BDNF: variants seen among roughly 807,000 people sequenced by gnomAD.
BDNF encodes the protein neurotrophic factor BDNF precursor form.
In BDNF, 1 loss-of-function variant was observed where a neutral mutation model predicts 19.5. The observed-to-expected ratio is 0.05, with a 90% CI of 0.02 to 0.24. The LOEUF is 0.24. Ranked by LOEUF, BDNF falls within the 10% of genes least tolerant of loss-of-function variation. The pLI is 1.00. For missense variants in BDNF, 195 were observed against 317.6 expected (o/e 0.61, Z 2.93); for synonymous variants, 100 against 121.6 (o/e 0.82, Z 1.17).
intron 1 of BDNF, among the ~76,000 whole-genome samples, chr11:27,712,360 A>G (rs370895531): frequency 1.3e-5 from 2 of 152,332 alleles, no homozygotes; most frequent in East Asian, 3.9e-4. Context: ...CATTATTTCA[A>G]AATTATAATA....
In BDNF at chr11:27,657,229, AAAAAC is replaced by A. The variant is rs963357399; in HGVS notation, c.*587_*591del. ...CCATCTCTACTCCCTGTGGGAACTAAAAAACAAAACAAACAAACGAAAAAAAAACA... is the reference window on the plus strand; with the variant it reads ...CCATCTCTACTCCCTGTGGGAACTAAAAAACAAACAAACGAAAAAAAAACA... On this transcript the variant is annotated 3_prime_UTR_variant, in exon 2 of 2. Transcript: ENST00000356660. This position sits in a 1 kb window ranked among gnomAD's most constrained non-coding sequence, Gnocchi z 5.0. 4.1e-6 allele frequency: 4 copies of A among 986,838 alleles called. No homozygotes were observed. The highest frequency in any genetic ancestry group is 4.8e-6 in the Non-Finnish European group (4 of 830,310). The allele number at this position is 986,838 out of a possible 1,614,324, so 61.1% of individuals were successfully genotyped here. A position where few individuals can be genotyped will look rare whatever the true frequency, so the allele number is the denominator to read the frequency against.
chr11:27,688,270 G>A (rs1468061792), intron 1 of BDNF, among the ~76,000 whole-genome samples: 1 of 152,202 alleles, frequency 6.6e-6, no homozygotes, highest in East Asian at 1.9e-4. Context: ...GACCAAGCTG[G>A]AGCATCCCAG....
intron 1 of BDNF, among the ~76,000 whole-genome samples, chr11:27,716,979 G>A (rs1860538006): frequency 6.6e-6 from 1 of 152,098 alleles, no homozygotes; most frequent in East Asian, 1.9e-4. Context: ...CTATTTTGTG[G>A]TCATCCAGTC....
At chr11:27,719,725 T>A (rs1423038024) in intron 1 of BDNF, 1 of 308,642 alleles carries the variant, frequency 3.2e-6, no homozygotes, top group South Asian at 1.5e-4. Context: ...GGATGGAGGC[T>A]GGAGGAGGGG....
intron 1 of BDNF, among the ~76,000 whole-genome samples, chr11:27,666,174 C>T (rs1187678182): frequency 6.6e-6 from 1 of 152,206 alleles, no homozygotes; most frequent in African/African-American, 2.4e-5. Context: ...AGTGGACCTC[C>T]AGCAAACTCC....
In BDNF at chr11:27,689,512, G is replaced by C. The variant is rs144429560; in HGVS notation, c.-22+10652C>G. On this transcript the variant is annotated intron_variant, in intron 1 of 1. Coordinates refer to ENST00000356660, the MANE Select transcript of BDNF (RefSeq NM_001709.5). ...TGACAAGTGAAATCACGTAGGAATC[G>C]TAGTAACAACAAACCAGCTGAATTT... Among the ~76,000 whole-genome samples the C allele has an allele frequency of 5.0e-3, 760 of 152,240 alleles. 6 individuals are homozygous for C. The highest frequency in any genetic ancestry group is 0.017 in the African/African-American group (720 of 41,528).
intron 1 of BDNF, among the ~76,000 whole-genome samples, chr11:27,706,539 C>A (rs1860116925): frequency 6.6e-6 from 1 of 152,178 alleles, no homozygotes; most frequent in South Asian, 2.1e-4. Flanking sequence ...ATTAAGTCAC[C>A]ACTCAGACTT....
chr11:27,699,429 G>C, intron 1 of BDNF: 2 of 1,614,036 alleles, frequency 1.2e-6, no homozygotes. Flanking sequence ...CCCGAGTCAA[G>C]AATCCCCCAC....
chr11:27,669,257 CAAAAT>C (rs1854914313), intron 1 of BDNF, among the ~76,000 whole-genome samples: 1 of 152,288 alleles, frequency 6.6e-6, no homozygotes, highest in African/African-American at 2.4e-5. Context: ...GGACATATCT[CAAAAT>C]AATAAGAGCT....
chr11:27,690,301 G>A (rs1858075020), intron 1 of BDNF, among the ~76,000 whole-genome samples: 1 of 152,180 alleles, frequency 6.6e-6, no homozygotes, highest in East Asian at 1.9e-4. Flanking sequence ...GAAATGGGCA[G>A]CAGGATGGTC....
intron 1 of BDNF, among the ~76,000 whole-genome samples, chr11:27,685,291 T>C (rs1367674294): frequency 1.3e-5 from 2 of 152,206 alleles, no homozygotes; most frequent in East Asian, 3.8e-4. Context: ...CTCTCTTTTC[T>C]TCTTTATCAA....
chr11:27,706,566 T>C (rs1295161435), intron 1 of BDNF, among the ~76,000 whole-genome samples: 1 of 152,220 alleles, frequency 6.6e-6, no homozygotes. Context: ...TAGCAAAAGA[T>C]CAGATCTCAC....
At position 27,713,256 on chromosome 11, in the gene BDNF, C is replaced by T. The variant is rs138605966; in HGVS notation, c.3+8156G>A. On this transcript the variant is annotated intron_variant, in intron 1 of 1. Coordinates refer to the BDNF transcript ENST00000314915. Reference sequence around the variant, plus strand: ...TTATTGGCAAGTAAGAAGTCCTTAGCGGAGGAGGAAGGTGAAAGCAGAAGA... The same window carrying T: ...TTATTGGCAAGTAAGAAGTCCTTAGTGGAGGAGGAAGGTGAAAGCAGAAGA... Among the ~76,000 whole-genome samples the T allele has an allele frequency of 5.3e-4, 81 of 152,186 alleles. No individual in the cohort carries two copies. In the East Asian group the frequency reaches 5.6e-3, roughly 11 times the overall value.
chr11:27,663,996 G>A (rs1376373629), intron 1 of BDNF, among the ~76,000 whole-genome samples: 1 of 151,866 alleles, frequency 6.6e-6, no homozygotes, highest in East Asian at 1.9e-4. Flanking sequence ...GCCAAAGGTG[G>A]GAAAACAAGC....
intron 1 of BDNF, chr11:27,719,714 G>A: frequency 1.1e-6 from 1 of 875,812 alleles, no homozygotes; most frequent in African/African-American, 1.8e-5. Context: ...GAATGAGGGA[G>A]GGATGGAGGC....
rs1852469537 is a variant in BDNF, at chr11:27,655,704, C to A, written c.*2117G>T. 1 of 151,984 alleles carries A rather than the reference C, an allele frequency of 6.6e-6. No individual in the cohort carries two copies. Among genetic ancestry groups the A allele is most frequent in the African/African-American group, 2.4e-5 (1 of 41,356 alleles). 9.4% of individuals were successfully genotyped at this position (151,984 alleles called of 1,614,324 possible). A position where few individuals can be genotyped will look rare whatever the true frequency, so the allele number is the denominator to read the frequency against. On this transcript the variant is annotated 3_prime_UTR_variant, in exon 2 of 2. Transcript: ENST00000356660. ...TTCATTCCTGGGTTATGGTGAACAT[C>A]CTCTTTTGCTTATCCCTCACCCTAC... is the stretch of plus-strand genomic sequence containing the variant.
chr11:27,656,831 C>T lies in BDNF; in HGVS notation c.*990G>A. Reference sequence around the variant, plus strand: ...TGTTCTAAAAAAAAATCACTGTTCTCCATGCTTATACGAGTGTCATGATGT... The same window carrying T: ...TGTTCTAAAAAAAAATCACTGTTCTTCATGCTTATACGAGTGTCATGATGT... On this transcript the variant is annotated 3_prime_UTR_variant, in exon 2 of 2. Transcript: ENST00000356660. 4.1e-6 allele frequency: 4 copies of T among 985,300 alleles called. No homozygotes were observed. The highest frequency in any genetic ancestry group is 4.8e-6 in the Non-Finnish European group (4 of 829,918). 61.0% of individuals were successfully genotyped at this position (985,300 alleles called of 1,614,324 possible). A position where few individuals can be genotyped will look rare whatever the true frequency, so the allele number is the denominator to read the frequency against.
chr11:27,683,642 A>G (rs937449593), intron 1 of BDNF, among the ~76,000 whole-genome samples: 3 of 152,046 alleles, frequency 2.0e-5, no homozygotes, highest in Admixed American at 6.6e-5. Context: ...AGTTTTCCCG[A>G]CACCATTTAT....
intron 1 of BDNF, among the ~76,000 whole-genome samples, chr11:27,668,582 A>G (rs1854780290): frequency 6.6e-6 from 1 of 152,230 alleles, no homozygotes; most frequent in African/African-American, 2.4e-5. Context: ...AGGGGATATC[A>G]CCACCAATCC....
Sources: allele counts gnomAD v4.1 joint callset (sites outside exome capture counted in the v4.1 genomes callset), GRCh38; gene constraint gnomAD v4.1.1; non-coding constraint Gnocchi (gnomAD v3.1); transcripts MANE v1.5; gene names NCBI Gene and HGNC (gene_info 2026-07-23, HGNC 2026-07-21).